Variants in MGAT4C observed in about 807,000 individuals in gnomAD.
MGAT4C encodes the protein alpha-1,3-mannosyl-glycoprotein 4-beta-N-acetylglucosaminyltransferase C.
Under a neutral mutation model 40.1 loss-of-function variants are expected in MGAT4C, and 19 were observed. The ratio of observed to expected loss-of-function variants is 0.47; its 90% CI spans 0.33 to 0.70. The LOEUF is 0.70. MGAT4C is among the 30% of genes least tolerant of loss of function. MGAT4C has a pLI of 0.02. For synonymous variants in MGAT4C, 181 were observed against 187.1 expected, an observed-to-expected ratio of 0.97 and a Z score of 0.27; for missense variants, 491 against 563.2, an observed-to-expected ratio of 0.87 and a Z score of 1.30.
intron 1 of MGAT4C, among the ~76,000 whole-genome samples, chr12:86,776,034 T>A (rs1409729098): frequency 1.3e-5 from 2 of 152,020 alleles, no homozygotes; most frequent in Admixed American, 1.3e-4. Flanking sequence ...ATCAATGACG[T>A]TTCTGTTTAT....
rs1324228908 is a variant in MGAT4C, at chr12:85,966,827, A to C, written c.*12462T>G. On this transcript the variant is annotated 3_prime_UTR_variant, in exon 5 of 5. Transcript: ENST00000611864. Reference sequence around the variant, plus strand: ...AAAAAACCAAACACTGCATGTTCTCATAGGTGGGAACTGAACATTGAGAAC... The same window carrying C: ...AAAAAACCAAACACTGCATGTTCTCCTAGGTGGGAACTGAACATTGAGAAC... 8 of 150,210 alleles carry C rather than the reference A, an allele frequency of 5.3e-5. No individual in the cohort carries two copies. The highest frequency in any genetic ancestry group is 2.0e-4 in the African/African-American group (8 of 41,004). The allele number at this position is 150,210 out of a possible 1,614,324, so 9.3% of individuals were successfully genotyped here. A position where few individuals can be genotyped will look rare whatever the true frequency, so the allele number is the denominator to read the frequency against.
chr12:86,122,495 T>C (rs1179469324), intron 1 of MGAT4C, among the ~76,000 whole-genome samples: 4 of 152,158 alleles, frequency 2.6e-5, no homozygotes, highest in Non-Finnish European at 4.4e-5. Context: ...TATATGACAC[T>C]TTTCATCTTA....
chr12:86,060,685 C>T (rs1352566721), intron 1 of MGAT4C, among the ~76,000 whole-genome samples: 1 of 152,016 alleles, frequency 6.6e-6, no homozygotes, highest in African/African-American at 2.4e-5. Flanking sequence ...TAAATAGAAA[C>T]ATTTATTGCT....
At chr12:86,084,873 C>T (rs994282039) in intron 1 of MGAT4C, among the ~76,000 whole-genome samples, 1 of 151,842 alleles carries the variant, frequency 6.6e-6, no homozygotes, top group Non-Finnish European at 1.5e-5. Context: ...CAGAAGTAAT[C>T]TTTGGGTGTT....
chr12:86,704,699 A>T (rs758349794), intron 2 of MGAT4C, among the ~76,000 whole-genome samples: 34 of 152,236 alleles, frequency 2.2e-4, no homozygotes, highest in Non-Finnish European at 3.1e-4. Flanking sequence ...AGTAAACATG[A>T]TTGGCAACAT....
chr12:86,774,329 T>TTCTTTC (rs1951705837), intron 1 of MGAT4C, among the ~76,000 whole-genome samples: 2 of 106,258 alleles, frequency 1.9e-5, no homozygotes, highest in Admixed American at 1.1e-4. Flanking sequence ...CTTTCTTTCT[T>TTCTTTC]TCTTTCTTTC....
intron 2 of MGAT4C, among the ~76,000 whole-genome samples, chr12:86,048,989 A>G (rs1892655560): frequency 1.3e-5 from 2 of 152,078 alleles, no homozygotes; most frequent in Admixed American, 1.3e-4. Context: ...TAAAATAAAA[A>G]TACTTTCAGA....
intron 2 of MGAT4C, among the ~76,000 whole-genome samples, chr12:86,549,143 A>G (rs901744087): frequency 1.3e-5 from 2 of 152,212 alleles, no homozygotes; most frequent in African/African-American, 4.8e-5. Context: ...TGATTTTAAC[A>G]TTGACTGTGA....
intron 2 of MGAT4C, among the ~76,000 whole-genome samples, chr12:86,711,881 C>A (rs1950561816): frequency 6.6e-6 from 1 of 152,208 alleles, no homozygotes; most frequent in Non-Finnish European, 1.5e-5. Flanking sequence ...AACAGCAGAG[C>A]CATAAACCAT....
chr12:86,124,056 C>A (rs533409416), intron 1 of MGAT4C, among the ~76,000 whole-genome samples: 1 of 151,860 alleles, frequency 6.6e-6, no homozygotes, highest in East Asian at 1.9e-4. Context: ...AGATGGTGAA[C>A]CTTTTTACAG....
intron 2 of MGAT4C, among the ~76,000 whole-genome samples, chr12:86,003,658 G>A (rs1458546888): frequency 1.3e-5 from 2 of 152,090 alleles, no homozygotes; most frequent in South Asian, 2.1e-4. Context: ...TTAACTTGAA[G>A]TTTTAATGTT....
chr12:86,034,766 T>C lies in MGAT4C; in HGVS notation c.-7+14908A>G, dbSNP rs762970194. 1.4e-4 allele frequency among the ~76,000 whole-genome samples: 21 copies of C among 149,142 alleles called. 2 individuals carry two copies. The highest frequency in any genetic ancestry group is 3.0e-4 in the Non-Finnish European group (20 of 66,508). On this transcript the variant is annotated intron_variant, in intron 2 of 4. Transcript: ENST00000611864. ...CCCAACAGGTTCCGGTGTGTGATGT[T>C]CCCCTCCCTGTGTCCATGTGTTCTC...
intron 1 of MGAT4C, among the ~76,000 whole-genome samples, chr12:86,075,682 G>T (rs1869548285): frequency 6.6e-6 from 1 of 152,228 alleles, no homozygotes; most frequent in African/African-American, 2.4e-5. Context: ...TCTAGGCAGA[G>T]ATTCCCAAAC....
rs117178089 is a variant in MGAT4C at position 86,721,849 on chromosome 12, G to T, written c.-229+5360C>A. On this transcript the variant is annotated intron_variant, in intron 2 of 7. Transcript: ENST00000548651. ...TTTATGTAGCACGCCATGCTTCAAT[G>T]AAATCTAATACTGTATGTTTTAAAG... 2.5e-3 allele frequency among the ~76,000 whole-genome samples: 384 copies of T among 152,216 alleles called. 3 individuals are homozygous for T. Among genetic ancestry groups the T allele is most frequent in the Non-Finnish European group, 4.5e-3 (303 of 68,010 alleles).
At chr12:86,470,740 G>T (rs1423287034) in intron 2 of MGAT4C, among the ~76,000 whole-genome samples, 1 of 151,976 alleles carries the variant, frequency 6.6e-6, no homozygotes, top group Non-Finnish European at 1.5e-5. Context: ...AGCATGTATT[G>T]TCATAGTTAT....
chr12:86,334,417 C>T (rs1161865452), intron 3 of MGAT4C, among the ~76,000 whole-genome samples: 1 of 152,006 alleles, frequency 6.6e-6, no homozygotes, highest in Non-Finnish European at 1.5e-5. Context: ...AATGGCTGGG[C>T]ATCTGGAATT....
intron 2 of MGAT4C, among the ~76,000 whole-genome samples, chr12:86,604,957 C>T (rs1391445360): frequency 6.6e-6 from 1 of 152,058 alleles, no homozygotes; most frequent in African/African-American, 2.4e-5. Flanking sequence ...GAAGAATTCT[C>T]CTTTGGGAAT....
At chr12:86,592,501 C>A (rs1167153533) in intron 2 of MGAT4C, among the ~76,000 whole-genome samples, 1 of 152,078 alleles carries the variant, frequency 6.6e-6, no homozygotes, top group Non-Finnish European at 1.5e-5. Context: ...CATCAAATTC[C>A]AAAGTCTCTG....
intron 2 of MGAT4C, among the ~76,000 whole-genome samples, chr12:86,477,369 C>T (rs1957854146): frequency 6.6e-6 from 1 of 151,844 alleles, no homozygotes; most frequent in South Asian, 2.1e-4. Flanking sequence ...ATTGAGTTCT[C>T]ATGGGCATAA....
Sources: gnomAD v4.1 joint callset for allele counts (sites outside exome capture counted in the v4.1 genomes callset) on GRCh38, gnomAD v4.1.1 for gene constraint, MANE v1.5 for transcripts, NCBI Gene and HGNC (gene_info 2026-07-23, HGNC 2026-07-21) for gene names.